The following FSTL5 variants were observed in gnomAD, a reference collection of about 807,000 sequenced individuals.
FSTL5 encodes the protein follistatin like 5.
A neutral mutation model predicts 89.1 loss-of-function variants in FSTL5; 62 were observed. The observed-to-expected ratio is 0.70, with a 90% CI of 0.57 to 0.86. The LOEUF (loss-of-function observed/expected upper bound fraction) is 0.86, where lower values mean the gene tolerates loss of function less well. FSTL5 is among the 40% of genes least tolerant of loss of function. The probability of loss-of-function intolerance (pLI) is 0.00; values close to 1 mark genes in which losing one functional copy is unlikely to be tolerated. For missense variants in FSTL5, 1,057 were observed against 1,001.6 expected, an observed-to-expected ratio of 1.06 and a Z score of -0.75; for synonymous variants, 383 against 346.2, an observed-to-expected ratio of 1.11 and a Z score of -1.18.
intron 6 of FSTL5, among the ~76,000 whole-genome samples, chr4:161,739,369 C>A (rs1739926300): frequency 1.3e-5 from 2 of 152,150 alleles, no homozygotes; most frequent in African/African-American, 2.4e-5. Flanking sequence ...TCAGAAGGAA[C>A]CCACCTTTAT....
At chr4:162,110,440 T>C (rs1208279551) in intron 2 of FSTL5, among the ~76,000 whole-genome samples, 2 of 151,672 alleles carry the variant, frequency 1.3e-5, no homozygotes, top group Non-Finnish European at 2.9e-5. Context: ...TAAATGCATA[T>C]ATTAATTCCA....
At chr4:161,541,002 G>A (rs1731801702) in intron 9 of FSTL5, among the ~76,000 whole-genome samples, 1 of 151,840 alleles carries the variant, frequency 6.6e-6, no homozygotes, top group Non-Finnish European at 1.5e-5. Flanking sequence ...AAATATTTGT[G>A]CTTTCTTGGG....
chr4:162,049,785 T>C (rs1738321164), intron 2 of FSTL5, among the ~76,000 whole-genome samples: 1 of 152,052 alleles, frequency 6.6e-6, no homozygotes, highest in Admixed American at 6.6e-5. Context: ...TTAAAAGATC[T>C]GAAAAAATTA....
intron 3 of FSTL5, among the ~76,000 whole-genome samples, chr4:161,974,914 C>A (rs1351290721): frequency 2.0e-5 from 3 of 151,216 alleles, no homozygotes; most frequent in Admixed American, 2.0e-4. Flanking sequence ...AAGAAAAAAA[C>A]AAACAACCCC....
intron 4 of FSTL5, among the ~76,000 whole-genome samples, chr4:161,796,598 TG>T (rs1314171802): frequency 6.6e-6 from 1 of 151,808 alleles, no homozygotes; most frequent in Non-Finnish European, 1.5e-5. Context: ...TGTGTACTTT[TG>T]TTTGCTGTTG....
rs553440675 is a variant in FSTL5, at chr4:161,861,199, G to A, written c.409+59205C>T. 1.2e-4 allele frequency among the ~76,000 whole-genome samples: 18 copies of A among 152,218 alleles called. No individual in the cohort carries two copies. The South Asian group carries it at 3.3e-3, about 28-fold the overall frequency. On this transcript the variant is annotated intron_variant, in intron 4 of 15. Coordinates refer to ENST00000306100, the MANE Select transcript of FSTL5 (RefSeq NM_020116.5). ...GCACTTTGGGAGGCTGAGGCGAGTGGATCACCTGAGGTCAGGAGTTCGAGA... is the reference window on the plus strand; with the variant it reads ...GCACTTTGGGAGGCTGAGGCGAGTGAATCACCTGAGGTCAGGAGTTCGAGA...
chr4:161,416,982 A>G (rs1731810875), intron 15 of FSTL5, among the ~76,000 whole-genome samples: 2 of 152,176 alleles, frequency 1.3e-5, no homozygotes, highest in South Asian at 4.1e-4. Context: ...ATCTTTACAT[A>G]TAGCTCACAT....
intron 7 of FSTL5, among the ~76,000 whole-genome samples, chr4:161,610,072 T>A (rs1012001240): frequency 1.3e-5 from 2 of 152,120 alleles, no homozygotes; most frequent in African/African-American, 2.4e-5. Flanking sequence ...CAATTAAAAA[T>A]TTTTAATTTC....
chr4:161,889,880 T>C (rs1732932073), intron 4 of FSTL5, among the ~76,000 whole-genome samples: 3 of 152,184 alleles, frequency 2.0e-5, no homozygotes, highest in South Asian at 4.1e-4. Flanking sequence ...GCTTTTCTCC[T>C]AAAACCGTAT....
intron 8 of FSTL5, among the ~76,000 whole-genome samples, chr4:161,546,161 A>G (rs192847506): frequency 6.6e-6 from 1 of 151,520 alleles, no homozygotes; most frequent in Admixed American, 6.6e-5. Context: ...GCGATAATAG[A>G]AAGTTAAGTC....
rs564858767 is a variant in FSTL5 at position 161,920,606 on chromosome 4, G to A, written c.207C>T (p.Tyr69=). 6.2e-7 allele frequency: 1 copy of A among 1,613,540 alleles called. No homozygotes were observed. Among genetic ancestry groups the A allele is most frequent in the Admixed American group, 1.7e-5 (1 of 59,948 alleles). The part of the protein sequence containing the change: ...DGPFGSCENK[Y]CGLGRHCVTS... ...TAACACAGTGTCTTCCCAAACCACA[G>A]TACTTATTTTCACAAGATCCAAAAG... Residue 69 remains tyrosine, a synonymous_variant, in exon 4 of 16, where the codon TAC becomes TAT. Transcript: ENST00000306100.
intron 15 of FSTL5, among the ~76,000 whole-genome samples, chr4:161,444,269 A>G (rs938299807): frequency 2.6e-5 from 4 of 151,890 alleles, no homozygotes; most frequent in Non-Finnish European, 5.9e-5. Context: ...AGACTTTATG[A>G]AGTTGGACAT....
intron 13 of FSTL5, among the ~76,000 whole-genome samples, chr4:161,460,198 T>C (rs1190242757): frequency 2.6e-5 from 4 of 152,040 alleles, no homozygotes; most frequent in Non-Finnish European, 5.9e-5. Flanking sequence ...CTCTATTAAA[T>C]ATCCTTAGAG....
intron 8 of FSTL5, among the ~76,000 whole-genome samples, chr4:161,556,677 A>T (rs1367392711): frequency 1.3e-5 from 2 of 151,454 alleles, no homozygotes; most frequent in Admixed American, 1.3e-4. Context: ...GATGATAAAA[A>T]TTACTAATAT....
chr4:161,432,623 G>T (rs140159331), intron 15 of FSTL5, among the ~76,000 whole-genome samples: 1 of 150,654 alleles, frequency 6.6e-6, no homozygotes, highest in African/African-American at 2.4e-5. Flanking sequence ...ACAAAAAATA[G>T]AAAAGATCAA....
intron 3 of FSTL5, among the ~76,000 whole-genome samples, chr4:161,942,647 T>C (rs1456558904): frequency 2.0e-5 from 3 of 152,114 alleles, no homozygotes; most frequent in African/African-American, 7.2e-5. Flanking sequence ...TAACTCATAC[T>C]ATGAAGCCAG....
intron 4 of FSTL5, among the ~76,000 whole-genome samples, chr4:161,849,367 TAAC>T (rs1275922245): frequency 6.6e-6 from 1 of 151,816 alleles, no homozygotes. Context: ...TAGCTAGCCA[TAAC>T]AACAGCATGG....
At chr4:161,944,554 A>G (rs1734684083) in intron 3 of FSTL5, among the ~76,000 whole-genome samples, 2 of 152,116 alleles carry the variant, frequency 1.3e-5, no homozygotes, top group South Asian at 4.1e-4. Context: ...AAATGATGTC[A>G]GACTATGCTA....
intron 2 of FSTL5, among the ~76,000 whole-genome samples, chr4:162,081,793 T>TTCTC (rs5863514): frequency 5.7e-4 from 85 of 148,626 alleles, no homozygotes; most frequent in African/African-American, 2.0e-3. Context: ...AGAAAACTGC[T>TTCTC]TCTCTCTCTC....
Sources: gnomAD v4.1 joint callset for allele counts (sites outside exome capture counted in the v4.1 genomes callset) on GRCh38, gnomAD v4.1.1 for gene constraint, MANE v1.5 for transcripts, NCBI Gene and HGNC (gene_info 2026-07-23, HGNC 2026-07-21) for gene names.